TMEM38A: variants seen among roughly 807,000 people sequenced by gnomAD.
TMEM38A encodes the protein transmembrane protein 38A, also known as trimeric intracellular cation channel type A.
In TMEM38A, 17 loss-of-function variants were observed where a neutral mutation model predicts 28.6. The observed-to-expected ratio is 0.60, with a 90% confidence interval of 0.41 to 0.89. TMEM38A has a LOEUF of 0.89. Ranked by LOEUF, TMEM38A falls within the 40% of genes least tolerant of loss-of-function variation. TMEM38A has a pLI of 0.00. For missense variants in TMEM38A, 328 were observed against 393.1 expected (o/e 0.83, Z 1.40); for synonymous variants, 169 against 166.1 (o/e 1.02, Z -0.14).
chr19:16,673,463 G>A (rs979952022), intron 1 of TMEM38A, among the ~76,000 whole-genome samples: 3 of 152,118 alleles, frequency 2.0e-5, no homozygotes, highest in Admixed American at 6.6e-5. Flanking sequence ...CTTTTCTCCT[G>A]TTGCAACATT....
intron 5 of TMEM38A, 65 bp downstream of exon 5, chr19:16,686,470 G>A: frequency 7.2e-7 from 1 of 1,386,664 alleles, no homozygotes; most frequent in Non-Finnish European, 1.0e-6. Flanking sequence ...CTCCAGGTTG[G>A]GAGTGGGGAA....
Position 16,661,876 on chromosome 19 carries a change from C to A in TMEM38A, c.124+535C>A, listed in dbSNP as rs546287296. ...CCCTCCACTCCCCTCCCTTCCCCCACGGTGCTGAATCTCCGAGCCCCCACG... is the reference window on the plus strand; with the variant it reads ...CCCTCCACTCCCCTCCCTTCCCCCAAGGTGCTGAATCTCCGAGCCCCCACG... On this transcript the variant is annotated intron_variant, in intron 1 of 5. Transcript: ENST00000187762. The surrounding 1 kb of genome is among the most constrained non-coding windows in gnomAD (Gnocchi z 6.5). Among the ~76,000 whole-genome samples the A allele has an allele frequency of 2.6e-4, 40 of 152,180 alleles. No homozygotes were observed. The highest frequency in any genetic ancestry group is 5.9e-4 in the Admixed American group (9 of 15,270).
rs1363421871 is a variant in TMEM38A at position 16,689,349 on chromosome 19, A to C, written c.*978A>C. ...TGCAGTCAGGAGGGGAGACCAGGAC[A>C]GTTGGAAATTATGATTGCAAATGGC... On this transcript the variant is annotated 3_prime_UTR_variant, in exon 6 of 6. Coordinates refer to ENST00000187762, the MANE Select transcript of TMEM38A (RefSeq NM_024074.4). The C allele has an allele frequency of 2.6e-5, 4 of 152,260 alleles. No individual in the cohort carries two copies. The highest frequency in any genetic ancestry group is 9.6e-5 in the African/African-American group (4 of 41,458). 9.4% of individuals were successfully genotyped at this position (152,260 alleles called of 1,614,324 possible). A position where few individuals can be genotyped will look rare whatever the true frequency, so the allele number is the denominator to read the frequency against.
chr19:16,672,445 C>CTTTTTTTT (rs1491240988), intron 1 of TMEM38A, among the ~76,000 whole-genome samples: 19 of 100,446 alleles, frequency 1.9e-4, no homozygotes, highest in African/African-American at 1.2e-3. Flanking sequence ...AAAAAAACCT[C>CTTTTTTTT]ATTTTTTTTT....
chr19:16,670,893 C>T (rs1046241307), intron 1 of TMEM38A, among the ~76,000 whole-genome samples: 1 of 151,988 alleles, frequency 6.6e-6, no homozygotes, highest in African/African-American at 2.4e-5. Context: ...AAGCCAAGAT[C>T]GCACCACTAC....
intron 1 of TMEM38A, 41 bp from the exon 2 acceptor site, chr19:16,679,943 G>A: frequency 6.4e-7 from 1 of 1,558,174 alleles, no homozygotes. Context: ...GCCTGCCCTT[G>A]GCATGCTGGT....
In TMEM38A at chr19:16,688,582, C is replaced by G. The variant is rs560849092; in HGVS notation, c.*211C>G. ...AGAAATCGGGGTTCCCTCTTTCTCT[C>G]TGCCAGGACCCCATAGAGTCACAGC... On this transcript the variant is annotated 3_prime_UTR_variant, in exon 6 of 6. Transcript: ENST00000187762. 9 of 398,228 alleles carry G rather than the reference C, an allele frequency of 2.3e-5. No homozygotes were observed. The South Asian group carries it at 7.0e-4, about 31-fold the overall frequency. 24.7% of individuals were successfully genotyped at this position (398,228 alleles called of 1,614,324 possible).
chr19:16,677,791 C>A (rs577827050), intron 1 of TMEM38A, among the ~76,000 whole-genome samples: 70 of 152,252 alleles, frequency 4.6e-4, no homozygotes, highest in Admixed American at 3.9e-3. Context: ...CACCCAGGCT[C>A]AAGTGATCTA....
At chr19:16,686,532 G>A in intron 5 of TMEM38A, 127 bp downstream of exon 5, 1 of 718,532 alleles carries the variant, frequency 1.4e-6, no homozygotes, top group Non-Finnish European at 2.4e-6. Context: ...AGAGAGGGGA[G>A]ATGCTTGCCA....
rs1409963306 is a variant in TMEM38A at position 16,689,943 on chromosome 19, G to A, written c.*1572G>A. On this transcript the variant is annotated 3_prime_UTR_variant, in exon 6 of 6. Transcript: ENST00000187762. ...TTCCTGTGATGCCTGGGAGTTAGGT[G>A]GGTCCTGGGGAGGTTTCATCCTCTT... 1 of 152,208 alleles carries A rather than the reference G, an allele frequency of 6.6e-6. No homozygotes were observed. The highest frequency in any genetic ancestry group is 2.4e-5 in the African/African-American group (1 of 41,428). 9.4% of individuals were successfully genotyped at this position (152,208 alleles called of 1,614,324 possible). A position where few individuals can be genotyped will look rare whatever the true frequency, so the allele number is the denominator to read the frequency against.
chr19:16,681,526 GA>G (rs1438083028), intron 3 of TMEM38A, among the ~76,000 whole-genome samples: 1 of 152,096 alleles, frequency 6.6e-6, no homozygotes, highest in Non-Finnish European at 1.5e-5. Context: ...AGCAGGGAAA[GA>G]AGGCCTGAGC....
chr19:16,665,812 C>CTTT (rs112668614), intron 1 of TMEM38A, among the ~76,000 whole-genome samples: 2 of 141,054 alleles, frequency 1.4e-5, no homozygotes, highest in African/African-American at 2.6e-5. Flanking sequence ...TTTTCTTTTC[C>CTTT]TTTTTTTTTT....
rs79846653 is a variant in TMEM38A at position 16,672,385 on chromosome 19, A to G, written c.125-7599A>G. Among the ~76,000 whole-genome samples the G allele has an allele frequency of 2.7e-3, 403 of 151,826 alleles. 1 individual carries two copies. The highest frequency in any genetic ancestry group is 9.3e-3 in the African/African-American group (383 of 41,248). ...GATGAAGAATTATCTTGGGCCTCAC[A>G]TAAAATACACTCACACTAACGATAG... is the stretch of plus-strand genomic sequence containing the variant. On this transcript the variant is annotated intron_variant, in intron 1 of 5. Coordinates refer to ENST00000187762, the MANE Select transcript of TMEM38A (RefSeq NM_024074.4).
At chr19:16,671,549 G>C (rs372411193) in intron 1 of TMEM38A, among the ~76,000 whole-genome samples, 78 of 151,814 alleles carry the variant, frequency 5.1e-4, no homozygotes, top group South Asian at 1.2e-3. Flanking sequence ...CTAAGGCTTG[G>C]GGGGGCAGGC....
intron 3 of TMEM38A, among the ~76,000 whole-genome samples, chr19:16,682,104 G>A (rs1393443424): frequency 6.6e-6 from 1 of 152,102 alleles, no homozygotes; most frequent in Non-Finnish European, 1.5e-5. Context: ...TGCCTTGGAA[G>A]CCTCATACAC....
intron 1 of TMEM38A, among the ~76,000 whole-genome samples, chr19:16,663,627 C>A (rs556152617): frequency 1.1e-4 from 16 of 151,582 alleles, no homozygotes; most frequent in Non-Finnish European, 2.1e-4. Context: ...CTCCTGGGTT[C>A]ACACCATTCT....
chr19:16,672,094 T>C (rs1361926579), intron 1 of TMEM38A, among the ~76,000 whole-genome samples: 2 of 152,026 alleles, frequency 1.3e-5, no homozygotes, highest in African/African-American at 4.8e-5. Context: ...TAGGACAACC[T>C]TGAGAGCAGG....
At chr19:16,676,288 G>A (rs762970482) in intron 1 of TMEM38A, among the ~76,000 whole-genome samples, 2 of 151,960 alleles carry the variant, frequency 1.3e-5, no homozygotes, top group Non-Finnish European at 2.9e-5. Flanking sequence ...CCTGTGAGGC[G>A]GAGCTTGCAG....
chr19:16,678,427 CAAAAAAAA>C (rs58580381), intron 1 of TMEM38A, among the ~76,000 whole-genome samples: 4 of 64,770 alleles, frequency 6.2e-5, no homozygotes, highest in East Asian at 4.1e-4. Context: ...GACTCTGTCT[CAAAAAAAA>C]AAAAAAAAAA....
Sources: allele counts gnomAD v4.1 joint callset (sites outside exome capture counted in the v4.1 genomes callset), GRCh38; gene constraint gnomAD v4.1.1; non-coding constraint Gnocchi (gnomAD v3.1); transcripts MANE v1.5; gene names NCBI Gene and HGNC (gene_info 2026-07-23, HGNC 2026-07-21).